ZMYM2: variants seen among roughly 807,000 people sequenced by gnomAD.
The protein encoded by ZMYM2 is zinc finger MYM-type containing 2, also known as zinc finger MYM-type protein 2.
In ZMYM2, 56 loss-of-function variants were observed where a neutral mutation model predicts 162.8. That is an observed-to-expected ratio of 0.34 (90% CI 0.28 to 0.43). ZMYM2 has a LOEUF of 0.43. ZMYM2 is among the 20% of genes least tolerant of loss of function. The pLI, the probability that ZMYM2 is intolerant of heterozygous loss-of-function variation, is 1.00. For synonymous variants in ZMYM2, 510 were observed against 541.6 expected (o/e 0.94, Z 0.81); for missense variants, 1,275 against 1,621.8 (o/e 0.79, Z 3.67).
chr13:19,886,069 T>G, the ZMYM2 span, among the ~76,000 whole-genome samples: 1 of 147,994 alleles, frequency 6.8e-6, no homozygotes, highest in African/African-American at 2.5e-5. Context: ...CTAGGTTCTA[T>G]ATCCATCTTT....
chr13:19,969,078 C>T (rs537723794), intron 2 of ZMYM2, among the ~76,000 whole-genome samples: 1 of 152,326 alleles, frequency 6.6e-6, no homozygotes, highest in South Asian at 2.1e-4. Context: ...AGAGTTCCTG[C>T]ATAATTCCAT....
intron 19 of ZMYM2, among the ~76,000 whole-genome samples, chr13:20,064,766 T>A (rs1956543766): frequency 6.6e-6 from 1 of 151,566 alleles, no homozygotes; most frequent in South Asian, 2.1e-4. Flanking sequence ...ATTATTACTA[T>A]TTCTAGTAAT....
chr13:20,060,178 AC>A (rs1476558923), intron 16 of ZMYM2, among the ~76,000 whole-genome samples: 2 of 152,168 alleles, frequency 1.3e-5, no homozygotes, highest in Admixed American at 6.5e-5. Flanking sequence ...ACTGAGGATA[AC>A]TCTAGTTGCA....
chr13:20,041,195 AGT>A (rs1253639501), intron 12 of ZMYM2, among the ~76,000 whole-genome samples: 1 of 152,152 alleles, frequency 6.6e-6, no homozygotes, highest in African/African-American at 2.4e-5. Context: ...TAGGAGTCTA[AGT>A]CTCTTTGTAC....
the ZMYM2 span, among the ~76,000 whole-genome samples, chr13:19,896,642 A>G: frequency 2.0e-5 from 3 of 150,642 alleles, no homozygotes; most frequent in South Asian, 6.3e-4. Context: ...CTGTAGTCCC[A>G]GCTACTCAGG....
the ZMYM2 span, among the ~76,000 whole-genome samples, chr13:19,885,918 CATAT>C: frequency 3.7e-3 from 175 of 47,482 alleles, 46 homozygotes; most frequent in African/African-American, 9.6e-3. Flanking sequence ...TGTATATACA[CATAT>C]ATATGTGTAT....
At chr13:20,076,702 A>C (rs1430133999) in intron 21 of ZMYM2, among the ~76,000 whole-genome samples, 1 of 150,632 alleles carries the variant, frequency 6.6e-6, no homozygotes, top group African/African-American at 2.5e-5. Flanking sequence ...AAATATAGTA[A>C]ACTCACAGTG....
intron 3 of ZMYM2, among the ~76,000 whole-genome samples, chr13:19,998,856 A>T (rs1348973826): frequency 6.6e-6 from 1 of 152,160 alleles, no homozygotes; most frequent in East Asian, 1.9e-4. Flanking sequence ...AAGGAAAATA[A>T]TTTTTTTCCT....
chr13:19,947,935 T>TA, the ZMYM2 span, among the ~76,000 whole-genome samples: 4 of 145,582 alleles, frequency 2.7e-5, no homozygotes, highest in Non-Finnish European at 4.5e-5. Context: ...TGCCATGTAA[T>TA]AAAAAAAATT....
upstream of ZMYM2, chr13:19,958,722 G>GCCTCCTCCT (rs1055421683): frequency 6.5e-6 from 1 of 153,560 alleles, no homozygotes; most frequent in African/African-American, 2.4e-5. Context: ...CGCCTCCTCC[G>GCCTCCTCCT]CCTCCTCCTC....
At chr13:20,052,579 T>C (rs1955461978) in intron 14 of ZMYM2, among the ~76,000 whole-genome samples, 1 of 152,184 alleles carries the variant, frequency 6.6e-6, no homozygotes, top group African/African-American at 2.4e-5. Flanking sequence ...CCATAATAGA[T>C]GCATCTTTAA....
chr13:19,973,959 G>A (rs1956562219), intron 2 of ZMYM2, among the ~76,000 whole-genome samples: 1 of 152,078 alleles, frequency 6.6e-6, no homozygotes, highest in African/African-American at 2.4e-5. Context: ...AAAAGGTTGG[G>A]TACCCTTACC....
intron 12 of ZMYM2, among the ~76,000 whole-genome samples, chr13:20,039,922 C>T (rs1024660154): frequency 2.0e-4 from 30 of 152,182 alleles, no homozygotes; most frequent in Admixed American, 1.3e-3. Flanking sequence ...AACTTGCCAT[C>T]CCAGTGATAG....
chr13:19,978,826 C>T (rs1957029125), intron 2 of ZMYM2, among the ~76,000 whole-genome samples: 1 of 152,186 alleles, frequency 6.6e-6, no homozygotes, highest in Non-Finnish European at 1.5e-5. Flanking sequence ...TACCTTCACT[C>T]ATATGCTTTA....
chr13:19,987,214 T>C (rs938905363), intron 2 of ZMYM2, among the ~76,000 whole-genome samples: 8 of 151,290 alleles, frequency 5.3e-5, no homozygotes, highest in African/African-American at 1.9e-4. Context: ...TATTCACAGC[T>C]ATTAAGCAAA....
At chr13:20,064,131 A>G (rs1027289508) in intron 18 of ZMYM2, among the ~76,000 whole-genome samples, 1 of 151,842 alleles carries the variant, frequency 6.6e-6, no homozygotes, top group African/African-American at 2.4e-5. Context: ...AAAAACATTT[A>G]ATAGATTGAA....
At chr13:20,014,120 C>T (rs1034449034) in intron 6 of ZMYM2, among the ~76,000 whole-genome samples, 2 of 152,168 alleles carry the variant, frequency 1.3e-5, no homozygotes, top group African/African-American at 4.8e-5. Flanking sequence ...GTCACCCAGG[C>T]TGGAGTGCAG....
chr13:19,972,421 G>T (rs1168060560), intron 2 of ZMYM2, among the ~76,000 whole-genome samples: 1 of 151,966 alleles, frequency 6.6e-6, no homozygotes, highest in Non-Finnish European at 1.5e-5. Context: ...TAGTAATCTT[G>T]TGTATGCCTT....
chr13:20,023,841 G>A (rs1389080357), intron 7 of ZMYM2, among the ~76,000 whole-genome samples: 3 of 152,042 alleles, frequency 2.0e-5, no homozygotes, highest in Admixed American at 2.0e-4. Flanking sequence ...TTCATTAATT[G>A]GTTCTTTGAG....
Sources: allele counts gnomAD v4.1 joint callset (sites outside exome capture counted in the v4.1 genomes callset), GRCh38; gene constraint gnomAD v4.1.1; transcripts MANE v1.5; gene names NCBI Gene and HGNC (gene_info 2026-07-23, HGNC 2026-07-21).